Variants in C12orf42 observed in about 807,000 individuals in gnomAD.
The protein encoded by C12orf42 is uncharacterized protein C12orf42.
In C12orf42, 25 loss-of-function variants were observed where a neutral mutation model predicts 21.6. The ratio of observed to expected loss-of-function variants is 1.16; its 90% CI spans 0.84 to 1.62. The LOEUF is 1.62. Among genes scored for constraint, C12orf42 ranks in the 40% most tolerant of loss-of-function variants. The pLI is 0.00. For missense variants in C12orf42, 483 were observed against 459.3 expected, an observed-to-expected ratio of 1.05 and a Z score of -0.47; for synonymous variants, 174 against 175.0, an observed-to-expected ratio of 0.99 and a Z score of 0.05.
Position 103,302,134 on chromosome 12 carries a change from G to C in C12orf42, c.1057C>G (p.Pro353Ala), listed in dbSNP as rs751413092. 1 of 1,612,012 alleles carries C rather than the reference G, an allele frequency of 6.2e-7. No homozygotes were observed. Among genetic ancestry groups the C allele is most frequent in the South Asian group, 1.1e-5 (1 of 90,800 alleles). The change falls in exon 6 of 6, where the codon CCG becomes GCG. Residue 353 changes from proline to alanine, a missense_variant. Transcript: ENST00000548883. ...HTVCSQALSR[P>A]VVNAHLH ...CAATGTAAGTGAGCATTCACCACCG[G>C]CCTAGAAAGGGCCTGTGAACAAACC...
intron 4 of C12orf42, among the ~76,000 whole-genome samples, chr12:103,357,858 A>T (rs537802947): frequency 6.6e-6 from 1 of 152,264 alleles, no homozygotes; most frequent in African/African-American, 2.4e-5. Flanking sequence ...AGGTGCTGTT[A>T]TCAATTAGTG....
the C12orf42 span, among the ~76,000 whole-genome samples, chr12:103,060,252 T>A: frequency 2.0e-5 from 3 of 152,174 alleles, no homozygotes; most frequent in South Asian, 6.2e-4. Context: ...ATAAGATACC[T>A]AGGAATACAA....
At chr12:103,505,837 G>A in the C12orf42 span, 1 of 173,654 alleles carries the variant, frequency 5.8e-6, no homozygotes, top group African/African-American at 2.4e-5. Flanking sequence ...TCACAAATGA[G>A]ATGGCAAAAG....
the C12orf42 span, among the ~76,000 whole-genome samples, chr12:103,183,127 G>C: frequency 2.4e-4 from 37 of 152,304 alleles, no homozygotes; most frequent in African/African-American, 8.9e-4. Context: ...CTGTCGCCAG[G>C]CTGGAGTACA....
intron 3 of C12orf42, among the ~76,000 whole-genome samples, chr12:103,385,724 G>A (rs547656692): frequency 6.6e-6 from 1 of 152,156 alleles, no homozygotes; most frequent in South Asian, 2.1e-4. Context: ...AAAAATAAAA[G>A]TTTTACTTTG....
chr12:103,255,873 A>G (rs1031786847), intron 10 of C12orf42, among the ~76,000 whole-genome samples: 6 of 150,364 alleles, frequency 4.0e-5, no homozygotes, highest in African/African-American at 9.8e-5. Flanking sequence ...AACACGGTGA[A>G]ACCCCGTCTC....
At chr12:103,525,808 T>G in the C12orf42 span, among the ~76,000 whole-genome samples, 1 of 152,096 alleles carries the variant, frequency 6.6e-6, no homozygotes, top group Non-Finnish European at 1.5e-5. Context: ...GGCAGATGAA[T>G]CACAAGGTCA....
At chr12:103,527,856 C>A in the C12orf42 span, among the ~76,000 whole-genome samples, 26 of 152,316 alleles carry the variant, frequency 1.7e-4, no homozygotes, top group Admixed American at 1.2e-3. Context: ...ACCCACTAAG[C>A]AAATATCATC....
intron 10 of C12orf42, among the ~76,000 whole-genome samples, chr12:103,255,166 A>G (rs1444342798): frequency 6.6e-6 from 1 of 152,048 alleles, no homozygotes; most frequent in Non-Finnish European, 1.5e-5. Context: ...AGGTCAAGAG[A>G]TTGAGACCAT....
chr12:103,258,006 CAG>C (rs1485344862), intron 10 of C12orf42, among the ~76,000 whole-genome samples: 1 of 151,928 alleles, frequency 6.6e-6, no homozygotes, highest in Non-Finnish European at 1.5e-5. Context: ...AGATTTCCAC[CAG>C]ACTTTTAACA....
the C12orf42 span, among the ~76,000 whole-genome samples, chr12:103,546,748 G>A: frequency 3.3e-5 from 5 of 152,286 alleles, no homozygotes; most frequent in East Asian, 9.6e-4. Context: ...CATATAAAAT[G>A]TTTTAAGCTG....
chr12:103,491,913 T>C (rs1475309910), intron 1 of C12orf42, among the ~76,000 whole-genome samples: 1 of 151,942 alleles, frequency 6.6e-6, no homozygotes, highest in Non-Finnish European at 1.5e-5. Flanking sequence ...TTCCCAAACA[T>C]AACCCCCAAC....
chr12:103,245,817 C>G (rs7314110), intron 10 of C12orf42, among the ~76,000 whole-genome samples: 3,402 of 152,108 alleles, frequency 0.022, 127 homozygotes, highest in African/African-American at 0.075. Flanking sequence ...AACTATTGGA[C>G]CAGGCAGTCT....
chr12:103,073,830 G>A, the C12orf42 span, among the ~76,000 whole-genome samples: 1 of 152,192 alleles, frequency 6.6e-6, no homozygotes, highest in South Asian at 2.1e-4. Context: ...GGACATCAGA[G>A]TGTATCACTA....
the C12orf42 span, among the ~76,000 whole-genome samples, chr12:103,518,236 G>C: frequency 3.9e-5 from 6 of 152,150 alleles, no homozygotes; most frequent in African/African-American, 1.4e-4. Flanking sequence ...AGTTTAAGCA[G>C]AATAGGAATG....
At chr12:103,440,947 G>A (rs749162657) in intron 2 of C12orf42, among the ~76,000 whole-genome samples, 1 of 152,148 alleles carries the variant, frequency 6.6e-6, no homozygotes, top group Non-Finnish European at 1.5e-5. Context: ...AATAATGGGT[G>A]AAATCTTACT....
At position 103,352,634 on chromosome 12, in the gene C12orf42, G is replaced by C. The variant is rs192800897; in HGVS notation, c.259+16253C>G. On this transcript the variant is annotated intron_variant, in intron 4 of 5. Transcript: ENST00000548883. ...GAAACATTAAAACATAGAGTGGGAA[G>C]ATGAATCTAATTGTTGAAGGCACAA... 3.3e-3 allele frequency among the ~76,000 whole-genome samples: 502 copies of C among 152,234 alleles called. 3 individuals carry two copies. Among genetic ancestry groups the C allele is most frequent in the African/African-American group, 0.011 (476 of 41,574 alleles).
At chr12:103,464,416 G>GTTTT (rs199780501) in intron 2 of C12orf42, among the ~76,000 whole-genome samples, 21 of 147,836 alleles carry the variant, frequency 1.4e-4, no homozygotes, top group African/African-American at 2.0e-4. Context: ...TTTTAATGGG[G>GTTTT]TTTTTTTTTT....
chr12:103,050,396 C>T, the C12orf42 span, among the ~76,000 whole-genome samples: 30 of 152,052 alleles, frequency 2.0e-4, no homozygotes, highest in Non-Finnish European at 3.8e-4. Flanking sequence ...TAGATAGGAT[C>T]GCTGCAGGAA....
Sources: allele counts gnomAD v4.1 joint callset (sites outside exome capture counted in the v4.1 genomes callset), GRCh38; gene constraint gnomAD v4.1.1; transcripts MANE v1.5; gene names NCBI Gene and HGNC (gene_info 2026-07-23, HGNC 2026-07-21).